Variants in NCOA3 observed in about 807,000 individuals in gnomAD.
The protein encoded by NCOA3 is nuclear receptor coactivator 3.
NCOA3 carries 51 observed loss-of-function variants against 158.8 expected under a neutral mutation model. The ratio of observed to expected loss-of-function variants is 0.32; its 90% CI spans 0.26 to 0.41. The LOEUF (loss-of-function observed/expected upper bound fraction) is 0.41, where lower values mean the gene tolerates loss of function less well. NCOA3 is among the 10% of genes least tolerant of loss of function. The probability of loss-of-function intolerance (pLI) is 1.00; values close to 1 mark genes in which losing one functional copy is unlikely to be tolerated. For synonymous variants in NCOA3, 537 were observed against 592.4 expected (o/e 0.91, Z 1.36); for missense variants, 1,510 against 1,746.6 (o/e 0.86, Z 2.41).
At chr20:47,633,990 C>A in intron 9 of NCOA3, 58 bp from the exon 10 acceptor site, 2 of 1,593,494 alleles carry the variant, frequency 1.3e-6, no homozygotes, top group Non-Finnish European at 1.7e-6. Flanking sequence ...CTGTCCCCTC[C>A]TATATATATT....
intron 1 of NCOA3, among the ~76,000 whole-genome samples, chr20:47,542,012 T>TTTTTGTTTTTTTTTG: frequency 2.8e-5 from 3 of 107,714 alleles, no homozygotes; most frequent in Non-Finnish European, 6.0e-5. Context: ...CTGTAGAGTT[T>TTTTTGTTTTTTTTTG]TTTTTTTTTT....
At chr20:47,508,021 A>G (rs1016793816) in intron 1 of NCOA3, among the ~76,000 whole-genome samples, 24 of 152,092 alleles carry the variant, frequency 1.6e-4, no homozygotes, top group African/African-American at 5.8e-4. Context: ...ATGTAGGTTG[A>G]GATTTTTAGG....
chr20:47,523,215 C>T (rs2084374434), intron 1 of NCOA3, among the ~76,000 whole-genome samples: 1 of 152,128 alleles, frequency 6.6e-6, no homozygotes, highest in Non-Finnish European at 1.5e-5. Flanking sequence ...CGAAAACTTC[C>T]CAAGGACCCC....
At chr20:47,595,257 C>G (rs753484425) in intron 2 of NCOA3, among the ~76,000 whole-genome samples, 38 of 152,050 alleles carry the variant, frequency 2.5e-4, no homozygotes, top group Non-Finnish European at 2.4e-4. Flanking sequence ...TACCACCATG[C>G]CCAGCTAATT....
chr20:47,537,374 G>A (rs1010149751), intron 1 of NCOA3, among the ~76,000 whole-genome samples: 5 of 129,554 alleles, frequency 3.9e-5, no homozygotes, highest in Non-Finnish European at 7.7e-5. Context: ...TCTTAATGGA[G>A]TGTTTTTCTA....
chr20:47,527,175 C>A (rs1032011656), intron 1 of NCOA3, among the ~76,000 whole-genome samples: 8 of 151,776 alleles, frequency 5.3e-5, no homozygotes, highest in African/African-American at 1.7e-4. Flanking sequence ...GTCAGCATAC[C>A]TTTTTTTTCT....
intron 1 of NCOA3, among the ~76,000 whole-genome samples, chr20:47,562,761 A>G (rs553250951): frequency 3.9e-5 from 6 of 152,306 alleles, no homozygotes; most frequent in Admixed American, 3.3e-4. Context: ...AAGTACTACT[A>G]GTAATTGTGG....
rs752630859 is a variant in NCOA3, at chr20:47,647,066, GT to G, written c.3253-4del. ...TCTTCACTGTTCTTTTATGTGTTGTGTTTAAGGGACAGGCATTAGAGCCCAA... is the reference window on the plus strand; with the variant it reads ...TCTTCACTGTTCTTTTATGTGTTGTGTTAAGGGACAGGCATTAGAGCCCAA... On this transcript the variant is annotated splice_polypyrimidine_tract_variant and splice_region_variant and intron_variant, in intron 17 of 22. Coordinates refer to ENST00000371998, the MANE Select transcript of NCOA3 (RefSeq NM_181659.3). The G allele has an allele frequency of 1.1e-5, 17 of 1,611,094 alleles. No individual in the cohort carries two copies. In the Middle Eastern group the frequency reaches 9.9e-4, roughly 94 times the overall value.
chr20:47,555,289 T>TA (rs1345511909), intron 1 of NCOA3, among the ~76,000 whole-genome samples: 2 of 152,362 alleles, frequency 1.3e-5, no homozygotes, highest in Admixed American at 1.3e-4. Context: ...GGTGTTAATA[T>TA]AAAACTCTGT....
intron 1 of NCOA3, 68 bp from the exon 2 acceptor site, chr20:47,583,115 A>T (rs2085480488): frequency 2.5e-6 from 1 of 398,130 alleles, no homozygotes; most frequent in African/African-American, 2.1e-5. Context: ...TTTGTGGGTG[A>T]CTAATCATAA....
rs1340193457 is a variant in NCOA3 at position 47,628,122 on chromosome 20, T to G, written c.823+99T>G. ...TTACTATTTTTAATCTGTACTATCA[T>G]AGAAATGTATACCTACTGTAATGAG... On this transcript the variant is annotated intron_variant, in intron 8 of 22. Coordinates refer to ENST00000371998, the MANE Select transcript of NCOA3 (RefSeq NM_181659.3). 6.7e-6 allele frequency: 5 copies of G among 744,976 alleles called. No homozygotes were observed. In the African/African-American group the frequency reaches 8.8e-5, roughly 13 times the overall value. 46.1% of individuals were successfully genotyped at this position (744,976 alleles called of 1,614,324 possible).
intron 1 of NCOA3, among the ~76,000 whole-genome samples, chr20:47,557,828 A>AAT (rs1295171087): frequency 6.6e-6 from 1 of 152,170 alleles, no homozygotes; most frequent in African/African-American, 2.4e-5. Flanking sequence ...TACAACTAAC[A>AAT]ATATACTGCT....
chr20:47,528,398 C>G (rs2084491332), intron 1 of NCOA3, among the ~76,000 whole-genome samples: 1 of 152,042 alleles, frequency 6.6e-6, no homozygotes, highest in South Asian at 2.1e-4. Context: ...TTATTACTAA[C>G]TAAAATGAAA....
chr20:47,558,146 CT>C (rs1246800746), intron 1 of NCOA3, among the ~76,000 whole-genome samples: 12 of 151,380 alleles, frequency 7.9e-5, no homozygotes, highest in African/African-American at 2.7e-4. Context: ...CAACCTCCCC[CT>C]GCTAGGTTCA....
At chr20:47,522,764 G>T (rs2084364830) in intron 1 of NCOA3, among the ~76,000 whole-genome samples, 2 of 152,034 alleles carry the variant, frequency 1.3e-5, no homozygotes, top group South Asian at 2.1e-4. Context: ...TGGGGAAAGG[G>T]CAAGAAGGCT....
chr20:47,520,330 T>A (rs2084308679), intron 1 of NCOA3, among the ~76,000 whole-genome samples: 1 of 152,180 alleles, frequency 6.6e-6, no homozygotes, highest in African/African-American at 2.4e-5. Context: ...TTTGTCTCTC[T>A]GCCTCTCTCT....
intron 2 of NCOA3, among the ~76,000 whole-genome samples, chr20:47,600,506 T>G (rs2085843181): frequency 6.7e-6 from 1 of 148,310 alleles, no homozygotes; most frequent in African/African-American, 2.5e-5. Flanking sequence ...TTAAATGTGT[T>G]TTTTTTTTTT....
intron 2 of NCOA3, among the ~76,000 whole-genome samples, chr20:47,608,453 CAT>C (rs763805786): frequency 2.6e-5 from 4 of 151,834 alleles, no homozygotes; most frequent in East Asian, 1.9e-4. Context: ...GCCTGGGAAA[CAT>C]AGCAAGACCT....
chr20:47,631,100 C>T lies in NCOA3; in HGVS notation c.824-2396C>T, dbSNP rs979427578. On this transcript the variant is annotated intron_variant, in intron 8 of 22. Coordinates refer to ENST00000371998, the MANE Select transcript of NCOA3 (RefSeq NM_181659.3). Reference sequence around the variant, plus strand: ...ACCAGTTATTATGGCTTGGATCATTCTGTCTGCATTCAAAGACATAGAAAA... The same window carrying T: ...ACCAGTTATTATGGCTTGGATCATTTTGTCTGCATTCAAAGACATAGAAAA... 8 of 152,296 alleles carry T rather than the reference C, an allele frequency of 5.3e-5. No individual in the cohort carries two copies. In the East Asian group the frequency reaches 1.4e-3, roughly 26 times the overall value. The allele number at this position is 152,296 out of a possible 1,614,324, so 9.4% of individuals were successfully genotyped here.
Sources: gnomAD v4.1 joint callset for allele counts (sites outside exome capture counted in the v4.1 genomes callset) on GRCh38, gnomAD v4.1.1 for gene constraint, MANE v1.5 for transcripts, NCBI Gene and HGNC (gene_info 2026-07-23, HGNC 2026-07-21) for gene names.